LPCAT3: variants seen among roughly 807,000 people sequenced by gnomAD.
LPCAT3 encodes the protein lysophosphatidylcholine acyltransferase 3, also known as lysophospholipid acyltransferase 5.
LPCAT3 carries 21 observed loss-of-function variants against 63.4 expected under a neutral mutation model. That is an observed-to-expected ratio of 0.33 (90% CI 0.23 to 0.48). The LOEUF (loss-of-function observed/expected upper bound fraction) is 0.48. LPCAT3 is among the 20% of genes least tolerant of loss of function. The pLI is 0.99. For synonymous variants in LPCAT3, 242 were observed against 227.5 expected (o/e 1.06, Z -0.58); for missense variants, 451 against 590.6 (o/e 0.76, Z 2.45).
intron 7 of LPCAT3, chr12:6,979,201 A>G (rs1946443471): frequency 2.0e-6 from 1 of 500,792 alleles, no homozygotes; most frequent in Non-Finnish European, 3.6e-6. Context: ...GGTCACGTGG[A>G]TGTGATAAGG....
chr12:7,004,679 G>C (rs782106746), intron 1 of LPCAT3, among the ~76,000 whole-genome samples: 2 of 152,120 alleles, frequency 1.3e-5, no homozygotes, highest in African/African-American at 4.8e-5. Flanking sequence ...TGAAACTTCG[G>C]GTGTTCAATT....
intron 1 of LPCAT3, among the ~76,000 whole-genome samples, chr12:6,996,151 C>T (rs1555155990): frequency 6.6e-6 from 1 of 152,200 alleles, no homozygotes; most frequent in East Asian, 1.9e-4. Flanking sequence ...TCAATCTGGC[C>T]TCTACCCTTC....
rs1555153785 is a variant in LPCAT3 at position 6,979,478 on chromosome 12, T to A, written c.779A>T (p.Asp260Val). 6.2e-7 allele frequency: 1 copy of A among 1,610,360 alleles called. No individual in the cohort carries two copies. Among genetic ancestry groups the A allele is most frequent in the Non-Finnish European group, 8.5e-7 (1 of 1,176,556 alleles). The change falls in exon 7 of 13, where the codon GAC (aspartate) becomes GTC (valine). Residue 260 changes from aspartate (D) to valine (V), a missense_variant. Around this residue, in one of 3 missense-constraint regions of LPCAT3, gnomAD observed 304 missense variants for 390.8 expected, o/e 0.78. Transcript: ENST00000261407. ...HITEDYLLTEDYDNHPFWFRC... is the reference protein window; with the variant it reads ...HITEDYLLTEVYDNHPFWFRC... ...GCTTTAGTAGACACTCACGTCATAG[T>A]CTTCAGTGAGGAGATAGTCTTCTGT...
At chr12:7,005,510 C>CA (rs1165397967) in intron 1 of LPCAT3, among the ~76,000 whole-genome samples, 1 of 152,220 alleles carries the variant, frequency 6.6e-6, no homozygotes, top group Non-Finnish European at 1.5e-5. Flanking sequence ...GAGGAACTGA[C>CA]AAACTATTTT....
Position 6,978,602 on chromosome 12 carries a change from C to A in LPCAT3, c.873+1G>T. 1 of 1,614,152 alleles carries A rather than the reference C, an allele frequency of 6.2e-7. No homozygotes were observed. Among genetic ancestry groups the A allele is most frequent in the Non-Finnish European group, 8.5e-7 (1 of 1,179,998 alleles). On this transcript the variant is annotated splice_donor_variant, in intron 8 of 12. Transcript: ENST00000261407. LOFTEE classifies it high-confidence loss of function. ...GACCTTGTTTCAACTTTTCTACTTA[C>A]TGTGACCAGCCAACAGGTGACATAT...
chr12:7,016,972 G>A (rs1591560549), intron 1 of LPCAT3, among the ~76,000 whole-genome samples: 1 of 152,224 alleles, frequency 6.6e-6, no homozygotes, highest in East Asian at 1.9e-4. Context: ...TATTAGGCAA[G>A]GTTGTTTAAA....
At position 6,977,851 on chromosome 12, in the gene LPCAT3, T is replaced by C. The variant is rs368335284; in HGVS notation, c.1041-106A>G. On this transcript the variant is annotated intron_variant, in intron 9 of 12. Coordinates refer to ENST00000261407, the MANE Select transcript of LPCAT3 (RefSeq NM_005768.6). The surrounding 1 kb of genome is among the most constrained non-coding windows in gnomAD (Gnocchi z 4.5). Reference sequence around the variant, plus strand: ...AGGATTGGATTGGAGTGCTGGTGGGTTCCCACGTGTAGCCCCCAGAGGGTA... The same window carrying C: ...AGGATTGGATTGGAGTGCTGGTGGGCTCCCACGTGTAGCCCCCAGAGGGTA... The C allele has an allele frequency of 1.6e-5, 21 of 1,347,968 alleles. 1 individual carries two copies. Among genetic ancestry groups the C allele is most frequent in the East Asian group, 9.2e-5 (4 of 43,508 alleles). 83.5% of individuals were successfully genotyped at this position (1,347,968 alleles called of 1,614,324 possible). A position where few individuals can be genotyped will look rare whatever the true frequency, so the allele number is the denominator to read the frequency against.
At position 7,017,793 on chromosome 12, in the gene LPCAT3, GC is replaced by G. The variant is rs1175966186; in HGVS notation, c.151+480del. Among the ~76,000 whole-genome samples the G allele has an allele frequency of 2.2e-4, 34 of 152,326 alleles. No individual in the cohort carries two copies. The highest frequency in any genetic ancestry group is 4.3e-4 in the Non-Finnish European group (29 of 68,034). The stretch of plus-strand genomic sequence containing the variant: ...GAAAAGAGACGAAAGTATAATATAA[GC>G]TGGCAATAAGCAAAACAGGCGCTCA... On this transcript the variant is annotated intron_variant, in intron 1 of 12. Coordinates refer to ENST00000261407, the MANE Select transcript of LPCAT3 (RefSeq NM_005768.6). This position sits in a 1 kb window ranked among gnomAD's most constrained non-coding sequence, Gnocchi z 4.1.
rs1009589200 is a variant in LPCAT3 at position 7,017,493 on chromosome 12, A to G, written c.151+781T>C. 3.3e-5 allele frequency among the ~76,000 whole-genome samples: 5 copies of G among 152,150 alleles called. No homozygotes were observed. Among genetic ancestry groups the G allele is most frequent in the Non-Finnish European group, 7.3e-5 (5 of 68,038 alleles). On this transcript the variant is annotated intron_variant, in intron 1 of 12. Coordinates refer to ENST00000261407, the MANE Select transcript of LPCAT3 (RefSeq NM_005768.6). This position sits in a 1 kb window ranked among gnomAD's most constrained non-coding sequence, Gnocchi z 4.1. ...ATACTTTTTTCCATTGTACTATGCT[A>G]CCTCCATGTATTAAACCATGGAGTG...
intron 1 of LPCAT3, among the ~76,000 whole-genome samples, chr12:7,005,779 T>G (rs782056170): frequency 6.6e-6 from 1 of 152,344 alleles, no homozygotes. Context: ...CTGGGTTATC[T>G]TTTTATTGTT....
chr12:6,981,141 A>G lies in LPCAT3; in HGVS notation c.540T>C (p.Gly180=), dbSNP rs1555154005. ...SSEQQKYAIR[G]VPSLLEVAGF... ...CAGCAACTTCCAGCAGGGAAGGAAC[A>G]CCACGTATGGCATATTTCTGTTGCT... The change falls in exon 6 of 13, where the codon GGT becomes GGC. Residue 180 remains glycine (G), a synonymous_variant. Coordinates refer to ENST00000261407, the MANE Select transcript of LPCAT3 (RefSeq NM_005768.6). The G allele has an allele frequency of 1.2e-6, 2 of 1,613,640 alleles. No individual in the cohort carries two copies. The highest frequency in any genetic ancestry group is 1.7e-4 in the Middle Eastern group (1 of 6,060).
chr12:6,982,018 A>T (rs1186271627), intron 3 of LPCAT3, 114 bp from the exon 4 acceptor site: 1 of 658,050 alleles, frequency 1.5e-6, no homozygotes, highest in East Asian at 2.7e-5. Context: ...TAAAAGCCTT[A>T]ATAAATTCCT....
At chr12:6,990,525 TA>T (rs1250821377) in intron 1 of LPCAT3, among the ~76,000 whole-genome samples, 8 of 118,864 alleles carry the variant, frequency 6.7e-5, no homozygotes, top group Middle Eastern at 3.6e-3. Context: ...AAAATTAAAA[TA>T]AAATAAATAA....
At chr12:6,979,659 G>C in intron 6 of LPCAT3, 80 bp from the exon 7 acceptor site, 1 of 952,524 alleles carries the variant, frequency 1.0e-6, no homozygotes. Context: ...GTTATGGAGA[G>C]GAGTGTTTAG....
intron 1 of LPCAT3, among the ~76,000 whole-genome samples, chr12:7,014,650 A>G (rs1381982323): frequency 6.6e-6 from 1 of 152,062 alleles, no homozygotes; most frequent in African/African-American, 2.4e-5. Flanking sequence ...TAATTCCAGC[A>G]CTTTGGGAGG....
At chr12:6,997,580 ATTTTC>A (rs1410058565) in intron 1 of LPCAT3, among the ~76,000 whole-genome samples, 9 of 134,296 alleles carry the variant, frequency 6.7e-5, no homozygotes, top group Non-Finnish European at 1.3e-4. Context: ...TGCATGGCTG[ATTTTC>A]TTTTCTTTTT....
At chr12:6,991,880 C>A (rs1946593061) in intron 1 of LPCAT3, among the ~76,000 whole-genome samples, 1 of 152,102 alleles carries the variant, frequency 6.6e-6, no homozygotes, top group African/African-American at 2.4e-5. Flanking sequence ...GCATATTTCC[C>A]ATTTCTTCAA....
At chr12:6,998,155 ACAGGAATGTAC>A (rs2138350823) in intron 1 of LPCAT3, among the ~76,000 whole-genome samples, 1 of 152,304 alleles carries the variant, frequency 6.6e-6, no homozygotes, top group African/African-American at 2.4e-5. Flanking sequence ...AGCTGAGACC[ACAGGAATGTAC>A]TACCACATTC....
Position 6,981,857 on chromosome 12 carries a change from A to G in LPCAT3, c.414T>C (p.Asp138=), listed in dbSNP as rs782366479. The part of the protein sequence containing the change: ...GYYYTATGNY[D]IKWTMPHCVL... The stretch of plus-strand genomic sequence containing the variant: ...CACAATGTGGCATTGTCCACTTGAT[A>G]TCGTAGTTGCCGGTGGCAGTGTAAT... Residue 138 remains aspartate, a synonymous_variant, in exon 4 of 13, where the codon GAT becomes GAC. Coordinates refer to ENST00000261407, the MANE Select transcript of LPCAT3 (RefSeq NM_005768.6). The G allele has an allele frequency of 3.9e-5, 63 of 1,613,964 alleles. No homozygotes were observed. The highest frequency in any genetic ancestry group is 6.6e-5 in the South Asian group (6 of 91,088).
Sources: gnomAD v4.1 joint callset for allele counts (sites outside exome capture counted in the v4.1 genomes callset) on GRCh38, gnomAD v4.1.1 for gene constraint, gnomAD v4.1.1 regional missense constraint, Gnocchi (gnomAD v3.1) non-coding constraint, MANE v1.5 for transcripts, NCBI Gene and HGNC (gene_info 2026-07-23, HGNC 2026-07-21) for gene names.